The following ACP2 variants were observed in gnomAD, a reference collection of about 807,000 sequenced individuals.
ACP2 encodes the protein lysosomal acid phosphatase.
Under a neutral mutation model 54.7 loss-of-function variants are expected in ACP2, and 35 were observed. The ratio of observed to expected loss-of-function variants is 0.64; its 90% CI spans 0.49 to 0.85. The LOEUF (loss-of-function observed/expected upper bound fraction) is 0.85. Among genes scored for constraint, ACP2 ranks in the 40% least tolerant of loss-of-function variants. ACP2 has a pLI of 0.00. For synonymous variants in ACP2, 210 were observed against 224.4 expected, an observed-to-expected ratio of 0.94 and a Z score of 0.57; for missense variants, 492 against 565.0, an observed-to-expected ratio of 0.87 and a Z score of 1.31.
rs751568789 is a variant in ACP2, at chr11:47,245,231, G to A, written c.639+74C>T. ...GGGGCGTGACGGTATCAGGCACTGT[G>A]TTCTACCGTCCTGGTGACCTGGGCC... On this transcript the variant is annotated intron_variant, in intron 6 of 10. Transcript: ENST00000672073. The A allele has an allele frequency of 1.1e-5, 16 of 1,493,772 alleles. No individual in the cohort carries two copies. In the South Asian group the frequency reaches 1.6e-4, roughly 15 times the overall value. The allele number at this position is 1,493,772 out of a possible 1,614,324, so 92.5% of individuals were successfully genotyped here. A position where few individuals can be genotyped will look rare whatever the true frequency, so the allele number is the denominator to read the frequency against.
intron 10 of ACP2, among the ~76,000 whole-genome samples, chr11:47,241,927 T>A (rs1402726373): frequency 1.3e-5 from 2 of 152,100 alleles, no homozygotes; most frequent in Admixed American, 1.3e-4. Flanking sequence ...TGTGAATCTG[T>A]GAGTCAGGGC....
Position 47,245,585 on chromosome 11 carries a change from G to A in ACP2, c.451-13C>T. 1.2e-6 allele frequency: 2 copies of A among 1,614,270 alleles called. No homozygotes were observed. The highest frequency in any genetic ancestry group is 1.7e-6 in the Non-Finnish European group (2 of 1,180,048). ...GGAACTTCAGCAGCTGTAGAGCGAA[G>A]CGGGGAAACAGGCAGCGGGAAAAGG... is the stretch of plus-strand genomic sequence containing the variant. On this transcript the variant is annotated splice_polypyrimidine_tract_variant and intron_variant, in intron 4 of 10. Transcript: ENST00000672073.
At chr11:47,247,609 G>A (rs1253054035) in intron 3 of ACP2, 32 bp downstream of exon 3, 1 of 1,612,826 alleles carries the variant, frequency 6.2e-7, no homozygotes, top group South Asian at 1.1e-5. Context: ...AGCATACCTT[G>A]TTCCCCTTGC....
chr11:47,242,746 A>C lies in ACP2; in HGVS notation c.1115T>G (p.Leu372Arg), dbSNP rs1445865386. 3 of 1,613,860 alleles carry C rather than the reference A, an allele frequency of 1.9e-6. No homozygotes were observed. Among genetic ancestry groups the C allele is most frequent in the African/African-American group, 1.3e-5 (1 of 75,068 alleles). Residue 372 changes from leucine to arginine, a missense_variant, in exon 10 of 11, where the codon CTG becomes CGG. Physicochemically the swap from Leu to Arg is moderately radical, Grantham distance 102. Coordinates refer to ENST00000672073, the MANE Select transcript of ACP2 (RefSeq NM_001610.4). Reference sequence around the variant, plus strand: ...ACCTGTGTCTGCAGGACCGCTTGCCAGCTGGCACTCCTGCTGCCAATCCTT... The same window carrying C: ...ACCTGTGTCTGCAGGACCGCTTGCCCGCTGGCACTCCTGCTGCCAATCCTT... ...VPKDWQQECQ[L>R]ASGPADTEVI... is the part of the protein sequence containing the mutation.
Position 47,245,718 on chromosome 11 carries a change from A to G in ACP2, c.414T>C (p.Pro138=), listed in dbSNP as rs1954044226. 6.2e-7 allele frequency: 1 copy of G among 1,613,824 alleles called. No homozygotes were observed. Among genetic ancestry groups the G allele is most frequent in the Non-Finnish European group, 8.5e-7 (1 of 1,179,798 alleles). Residue 138 remains proline (P), a synonymous_variant, in exon 4 of 11, where the codon CCT becomes CCC. Transcript: ENST00000672073. ...TGATGGGCACAGTGTGCACAGGAAT[A>G]GGCTGCCACGAGATGTTCGGGTTGA... ...QRFNPNISWQ[P]IPVHTVPITE...
intron 1 of ACP2, 116 bp from the exon 2 acceptor site, chr11:47,248,249 T>C: frequency 1.7e-6 from 2 of 1,169,802 alleles, no homozygotes; most frequent in Non-Finnish European, 2.4e-6. Context: ...GGAAGCCTAC[T>C]GGCTGCAAAA....
At chr11:47,245,279 C>T in intron 6 of ACP2, 26 bp downstream of exon 6, 2 of 1,610,030 alleles carry the variant, frequency 1.2e-6, no homozygotes, top group South Asian at 2.2e-5. Flanking sequence ...AAAGAATGAT[C>T]ACAGTGGGCA....
chr11:47,244,951 C>G lies in ACP2; in HGVS notation c.640-84G>C, dbSNP rs552206344. 165 of 1,488,380 alleles carry G rather than the reference C, an allele frequency of 1.1e-4. No homozygotes were observed. The African/African-American group carries it at 2.2e-3, about 20-fold the overall frequency. The allele number at this position is 1,488,380 out of a possible 1,614,324, so 92.2% of individuals were successfully genotyped here. A position where few individuals can be genotyped will look rare whatever the true frequency, so the allele number is the denominator to read the frequency against. ...AGCTCTCTTCCCTAGTGGGAAGGTG[C>G]CTGTGTGTGTGAGGGAGGGAGAGGG... On this transcript the variant is annotated intron_variant, in intron 6 of 10. Coordinates refer to ENST00000672073, the MANE Select transcript of ACP2 (RefSeq NM_001610.4).
Position 47,243,093 on chromosome 11 carries a change from G to A in ACP2, c.887C>T (p.Ala296Val), listed in dbSNP as rs1189701648. The A allele has an allele frequency of 3.7e-6, 6 of 1,614,244 alleles. No individual in the cohort carries two copies. The highest frequency in any genetic ancestry group is 5.1e-6 in the Non-Finnish European group (6 of 1,180,042). ...HDTTLVALQM[A>V]LDVYNGEQAP... ...TTGTTCACCATTGTAGACATCCAGT[G>A]CCATTTGCAGGGCAACCAGGGTAGT... is the stretch of plus-strand genomic sequence containing the variant. Residue 296 changes from alanine to valine, a missense_variant, in exon 9 of 11, where the codon GCA becomes GTA. Physicochemically the swap from Ala to Val is moderately conservative, Grantham distance 64. Transcript: ENST00000672073.
Position 47,243,352 on chromosome 11 carries a change from C to T in ACP2, c.773-31G>A, listed in dbSNP as rs1953945326. The stretch of plus-strand genomic sequence containing the variant: ...GGAGAAAAGTCCCCGGTGTTGCTGG[C>T]TACAGCCACCTCTGCCTTCTAATTA... On this transcript the variant is annotated intron_variant, in intron 7 of 10. Transcript: ENST00000672073. The T allele has an allele frequency of 2.0e-5, 31 of 1,586,206 alleles. No homozygotes were observed. In the South Asian group the frequency reaches 3.1e-4, roughly 16 times the overall value.
chr11:47,245,269 A>G, intron 6 of ACP2, 36 bp downstream of exon 6: 3 of 1,605,310 alleles, frequency 1.9e-6, no homozygotes, highest in East Asian at 2.2e-5. Context: ...CTGAGAGGGA[A>G]AAGAATGATC....
intron 10 of ACP2, among the ~76,000 whole-genome samples, chr11:47,242,348 C>T (rs749524825): frequency 1.3e-5 from 2 of 152,146 alleles, no homozygotes; most frequent in African/African-American, 2.4e-5. Context: ...AGGTGGCTCT[C>T]AGAGGTCATG....
At position 47,242,853 on chromosome 11, in the gene ACP2, G is replaced by T. The variant is rs767574040; in HGVS notation, c.1008C>A (p.Ala336=). Residue 336 remains alanine (A), a synonymous_variant, in exon 10 of 11, where the codon GCC becomes GCA. Transcript: ENST00000672073. ...AGCCAGGCAGGCTGAGCGGCCAGGG[G>T]GCCTTGTCACTCTCGTTCCGAAAGT... is the stretch of plus-strand genomic sequence containing the variant. ...EMYFRNESDK[A]PWPLSLPGCP... The T allele has an allele frequency of 9.3e-6, 15 of 1,613,862 alleles. No homozygotes were observed. In the Admixed American group the frequency reaches 2.2e-4, roughly 23 times the overall value.
At chr11:47,247,251 C>A (rs1954168772) in intron 3 of ACP2, 1 of 238,582 alleles carries the variant, frequency 4.2e-6, no homozygotes. Flanking sequence ...CATTAGATAC[C>A]CCCACAACAT....
At chr11:47,240,331 C>T (rs915427512) in intron 10 of ACP2, 82 bp from the exon 11 acceptor site, 28 of 730,018 alleles carry the variant, frequency 3.8e-5, no homozygotes, top group Non-Finnish European at 5.9e-5. Context: ...AGGAGATACA[C>T]AGAGGTGGCC....
intron 3 of ACP2, 84 bp from the exon 4 acceptor site, chr11:47,245,918 TTGTA>T: frequency 1.4e-6 from 2 of 1,451,574 alleles, no homozygotes; most frequent in Non-Finnish European, 9.1e-7. Context: ...AAGTGGAGCC[TTGTA>T]TGTATGTGTG....
At chr11:47,247,995 C>T in intron 2 of ACP2, 43 bp downstream of exon 2, 2 of 1,513,636 alleles carry the variant, frequency 1.3e-6, no homozygotes, top group Non-Finnish European at 1.8e-6. Flanking sequence ...AGACGTCGCT[C>T]ATTCTGCAGC....
rs1953986494 is a variant in ACP2 at position 47,244,655 on chromosome 11, T to C, written c.772+80A>G. 5 of 1,131,156 alleles carry C rather than the reference T, an allele frequency of 4.4e-6. No homozygotes were observed. The South Asian group carries it at 5.4e-5, about 12-fold the overall frequency. 70.1% of individuals were successfully genotyped at this position (1,131,156 alleles called of 1,614,324 possible). ...GGGAGTGTTTCAGTAGAGAGGGAAG[T>C]GTGTGAGAAGCCCCCACAGCAGATT... On this transcript the variant is annotated intron_variant, in intron 7 of 10. Coordinates refer to ENST00000672073, the MANE Select transcript of ACP2 (RefSeq NM_001610.4).
rs1271787633 is a variant in ACP2, at chr11:47,245,319, T to C, written c.625A>G (p.Thr209Ala). ...AGTGGGCTCACCTCACAGAAGAGTG[T>C]GTCATAGACATTCCAGACGGTCTCC... is the stretch of plus-strand genomic sequence containing the variant. ...TLETVWNVYDTLFCEQTHGLR... is the reference protein window; with the variant it reads ...TLETVWNVYDALFCEQTHGLR... The change falls in exon 6 of 11, where the codon ACA (threonine) becomes GCA (alanine). Residue 209 changes from threonine to alanine, a missense_variant. Transcript: ENST00000672073. The C allele has an allele frequency of 6.2e-7, 1 of 1,614,042 alleles. No individual in the cohort carries two copies.
Sources: gnomAD v4.1 joint callset for allele counts (sites outside exome capture counted in the v4.1 genomes callset) on GRCh38, gnomAD v4.1.1 for gene constraint, MANE v1.5 for transcripts, NCBI Gene and HGNC (gene_info 2026-07-23, HGNC 2026-07-21) for gene names.